Variants in RBFOX1 observed in about 807,000 individuals in gnomAD.
RBFOX1 encodes the protein RNA binding fox-1 homolog 1.
RBFOX1 carries 8 observed loss-of-function variants against 57.7 expected under a neutral mutation model. The ratio of observed to expected loss-of-function variants is 0.14; its 90% confidence interval spans 0.08 to 0.25. The LOEUF is 0.25. RBFOX1 is among the 10% of genes least tolerant of loss of function. The pLI is 1.00. For synonymous variants in RBFOX1, 326 were observed against 222.4 expected, an observed-to-expected ratio of 1.47 and a Z score of -4.15; for missense variants, 611 against 548.5, an observed-to-expected ratio of 1.11 and a Z score of -1.14.
rs141062680 is a variant in RBFOX1, at chr16:6,260,500, A to G, written c.-126-56495A>G. On this transcript the variant is annotated intron_variant, in intron 1 of 15. Coordinates refer to ENST00000550418, the MANE Select transcript of RBFOX1 (RefSeq NM_018723.4). ...GAGTGGAACAGAATGGTAGAGAGAA[A>G]TCAGCCCATAGGTTTTAATTAAAAG... Among the ~76,000 whole-genome samples, 275 of 152,290 alleles carry G rather than the reference A, an allele frequency of 1.8e-3. 1 individual carries two copies. The highest frequency in any genetic ancestry group is 6.0e-3 in the African/African-American group (251 of 41,558).
At chr16:6,412,968 G>A (rs1381874929) in intron 2 of RBFOX1, among the ~76,000 whole-genome samples, 2 of 152,106 alleles carry the variant, frequency 1.3e-5, no homozygotes, top group Non-Finnish European at 2.9e-5. Flanking sequence ...GAATACTCTT[G>A]CCTCAGATAC....
intron 4 of RBFOX1, among the ~76,000 whole-genome samples, chr16:7,476,154 C>T (rs954362472): frequency 6.6e-6 from 1 of 151,910 alleles, no homozygotes; most frequent in East Asian, 1.9e-4. Context: ...TTTGTAGATA[C>T]TAGAGATGCT....
At chr16:5,976,813 G>A (rs1175130521) in intron 4 of RBFOX1, among the ~76,000 whole-genome samples, 2 of 152,182 alleles carry the variant, frequency 1.3e-5, no homozygotes, top group Non-Finnish European at 2.9e-5. Flanking sequence ...AGGTTGCAGT[G>A]AGCCAAAATC....
At chr16:5,698,214 G>A (rs189183519) in intron 3 of RBFOX1, among the ~76,000 whole-genome samples, 1 of 152,114 alleles carries the variant, frequency 6.6e-6, no homozygotes, top group Non-Finnish European at 1.5e-5. Context: ...CACTGTTCTT[G>A]TTTGATTTTG....
chr16:5,546,120 T>G (rs2045194597), intron 2 of RBFOX1, among the ~76,000 whole-genome samples: 1 of 152,164 alleles, frequency 6.6e-6, no homozygotes, highest in Non-Finnish European at 1.5e-5. Context: ...TCTGACTAAA[T>G]TTGTATGATT....
rs543408450 is a variant in RBFOX1 at position 6,708,191 on chromosome 16, C to G, written c.-16+53541C>G. Among the ~76,000 whole-genome samples, 23 of 152,160 alleles carry G rather than the reference C, an allele frequency of 1.5e-4. No homozygotes were observed. In the Middle Eastern group the frequency reaches 0.02, roughly 135 times the overall value. On this transcript the variant is annotated intron_variant, in intron 3 of 15. Coordinates refer to ENST00000550418, the MANE Select transcript of RBFOX1 (RefSeq NM_018723.4). ...ACTTTTCCCCTTGTTTCTTATTAAG[C>G]CCCCTCCTTTGTTGTTGAGTCCTCC...
intron 4 of RBFOX1, among the ~76,000 whole-genome samples, chr16:7,172,960 C>T (rs928881008): frequency 3.9e-5 from 6 of 152,224 alleles, no homozygotes; most frequent in African/African-American, 1.4e-4. Context: ...TTTGCCCCCT[C>T]AGTATGGTTT....
chr16:6,139,408 G>A (rs1039352493), intron 1 of RBFOX1, among the ~76,000 whole-genome samples: 2 of 152,166 alleles, frequency 1.3e-5, no homozygotes, highest in African/African-American at 4.8e-5. Context: ...CATGTGGGAT[G>A]TTCCAGGAGA....
intron 2 of RBFOX1, among the ~76,000 whole-genome samples, chr16:5,596,415 GA>G (rs2047185266): frequency 6.6e-6 from 1 of 152,206 alleles, no homozygotes; most frequent in Admixed American, 6.5e-5. Flanking sequence ...TTGGACTTAG[GA>G]AGTCCAACAC....
At chr16:7,702,441 CTG>C (rs2081057406) in intron 14 of RBFOX1, among the ~76,000 whole-genome samples, 1 of 152,318 alleles carries the variant, frequency 6.6e-6, no homozygotes, top group African/African-American at 2.4e-5. Flanking sequence ...TTCAGTAGGA[CTG>C]TGAGATCTTA....
At chr16:5,795,704 C>T (rs138019660) in intron 3 of RBFOX1, among the ~76,000 whole-genome samples, 2 of 152,292 alleles carry the variant, frequency 1.3e-5, no homozygotes, top group African/African-American at 2.4e-5. Flanking sequence ...CTTCTCTGGC[C>T]TCCTAAATAG....
chr16:7,002,999 A>G (rs931513959), intron 3 of RBFOX1, among the ~76,000 whole-genome samples: 2 of 141,252 alleles, frequency 1.4e-5, no homozygotes, highest in African/African-American at 5.3e-5. Context: ...CCAAACTATG[A>G]GTGGATCTTG....
intron 2 of RBFOX1, among the ~76,000 whole-genome samples, chr16:5,592,847 G>A (rs1014278565): frequency 6.6e-6 from 1 of 152,136 alleles, no homozygotes; most frequent in Non-Finnish European, 1.5e-5. Flanking sequence ...GAGCCCTGGG[G>A]TCAGAACACT....
In RBFOX1 at chr16:5,484,894, C is replaced by CAA. The variant is rs1337919913; in HGVS notation, c.258+17653_258+17654dup. 9.7e-3 allele frequency among the ~76,000 whole-genome samples: 1,308 copies of CAA among 134,354 alleles called. 30 individuals are homozygous for CAA. The highest frequency in any genetic ancestry group is 0.033 in the African/African-American group (1,225 of 37,200). 88.1% of individuals were successfully genotyped at this position (134,354 alleles called of 152,430 possible). A position where few individuals can be genotyped will look rare whatever the true frequency, so the allele number is the denominator to read the frequency against. On this transcript the variant is annotated intron_variant, in intron 2 of 2. Coordinates refer to the RBFOX1 transcript ENST00000585867. ...CTGGGTGACATAGTGAGACTCCATCCAAAAAAAAAAAAAATTTAGCAGGGC... is the reference window on the plus strand; with the variant it reads ...CTGGGTGACATAGTGAGACTCCATCCAAAAAAAAAAAAAAAATTTAGCAGGGC...
intron 3 of RBFOX1, among the ~76,000 whole-genome samples, chr16:6,996,609 T>C (rs1596427909): frequency 6.6e-6 from 1 of 152,166 alleles, no homozygotes; most frequent in African/African-American, 2.4e-5. Context: ...GGCACTGTAT[T>C]TTCATTTAAC....
At chr16:5,318,120 CT>C (rs903461114) in intron 1 of RBFOX1, among the ~76,000 whole-genome samples, 2 of 151,620 alleles carry the variant, frequency 1.3e-5, no homozygotes, top group Non-Finnish European at 2.9e-5. Flanking sequence ...TTGTTTACAC[CT>C]ACTGTTTTTT....
At chr16:7,676,909 G>C (rs2073442972) in intron 14 of RBFOX1, 71 bp downstream of exon 14, 12 of 1,459,866 alleles carry the variant, frequency 8.2e-6, no homozygotes, top group Non-Finnish European at 1.1e-5. Context: ...GGAGATTCTT[G>C]TATGGTCTTG....
intron 1 of RBFOX1, among the ~76,000 whole-genome samples, chr16:5,361,961 A>G (rs564857923): frequency 1.3e-5 from 2 of 152,362 alleles, no homozygotes; most frequent in East Asian, 3.9e-4. Flanking sequence ...GCATTTCATT[A>G]ACAGAGCTAA....
At chr16:7,150,164 C>A (rs549159123) in intron 4 of RBFOX1, among the ~76,000 whole-genome samples, 13 of 152,128 alleles carry the variant, frequency 8.5e-5, no homozygotes, top group African/African-American at 2.7e-4. Flanking sequence ...TAGCAGCCTC[C>A]TTCTGCTAGA....
Sources: gnomAD v4.1 joint callset for allele counts (sites outside exome capture counted in the v4.1 genomes callset) on GRCh38, gnomAD v4.1.1 for gene constraint, MANE v1.5 for transcripts, NCBI Gene and HGNC (gene_info 2026-07-23, HGNC 2026-07-21) for gene names.